SGPL1: variants seen among roughly 807,000 people sequenced by gnomAD.
SGPL1 encodes the protein sphingosine-1-phosphate lyase 1, also known as SP-lyase 1.
In SGPL1, 37 loss-of-function variants were observed where a neutral mutation model predicts 68.9. That is an observed-to-expected ratio of 0.54 (90% confidence interval 0.41 to 0.71). SGPL1 has a LOEUF of 0.71. SGPL1 is among the 30% of genes least tolerant of loss of function. The pLI, the probability that SGPL1 is intolerant of heterozygous loss-of-function variation, is 0.00. For missense variants in SGPL1, 551 were observed against 704.6 expected (o/e 0.78, Z 2.47); for synonymous variants, 236 against 248.5 (o/e 0.95, Z 0.47).
At position 70,871,809 on chromosome 10, in the gene SGPL1, T is replaced by G. The variant is rs2131943498; in HGVS notation, c.910-28T>G. ...TATTATAGGGCTATAAAGGAAATTCTCTTATGTTCTTTGTTTTTTGGAACA... is the reference window on the plus strand; with the variant it reads ...TATTATAGGGCTATAAAGGAAATTCGCTTATGTTCTTTGTTTTTTGGAACA... On this transcript the variant is annotated intron_variant, in intron 10 of 14. Coordinates refer to ENST00000373202, the MANE Select transcript of SGPL1 (RefSeq NM_003901.4). The G allele has an allele frequency of 1.9e-6, 3 of 1,608,418 alleles. No individual in the cohort carries two copies. In the East Asian group the frequency reaches 6.7e-5, roughly 36 times the overall value.
chr10:70,877,463 C>T lies in SGPL1; in HGVS notation c.*128C>T, dbSNP rs560177505. 5.2e-6 allele frequency: 4 copies of T among 773,076 alleles called. No individual in the cohort carries two copies. Among genetic ancestry groups the T allele is most frequent in the Non-Finnish European group, 8.2e-6 (4 of 490,264 alleles). 47.9% of individuals were successfully genotyped at this position (773,076 alleles called of 1,614,324 possible). A position where few individuals can be genotyped will look rare whatever the true frequency, so the allele number is the denominator to read the frequency against. On this transcript the variant is annotated 3_prime_UTR_variant, in exon 15 of 15. Coordinates refer to ENST00000373202, the MANE Select transcript of SGPL1 (RefSeq NM_003901.4). Reference sequence around the variant, plus strand: ...GCACAACTCAAGATAGACCATGAGACAGCTTGAGCCTCAGGATTCTTGTTC... The same window carrying T: ...GCACAACTCAAGATAGACCATGAGATAGCTTGAGCCTCAGGATTCTTGTTC...
Position 70,873,378 on chromosome 10 carries a change from T to C in SGPL1, c.1087T>C (p.Leu363=), listed in dbSNP as rs376610531. ...KYGYAPKGSS[L]VLYSDKKYRN... Reference sequence around the variant, plus strand: ...TGGCTATGCCCCAAAAGGCTCATCATTGGTGTTGTATAGTGACAAGAAGTA... The same window carrying C: ...TGGCTATGCCCCAAAAGGCTCATCACTGGTGTTGTATAGTGACAAGAAGTA... Residue 363 remains leucine (L), a synonymous_variant, in exon 12 of 15, where the codon TTG becomes CTG. Transcript: ENST00000373202. 191 of 1,614,004 alleles carry C rather than the reference T, an allele frequency of 1.2e-4. No individual in the cohort carries two copies. The highest frequency in any genetic ancestry group is 4.9e-4 in the Middle Eastern group (3 of 6,062).
intron 7 of SGPL1, among the ~76,000 whole-genome samples, chr10:70,867,148 A>T (rs1314248323): frequency 2.0e-5 from 3 of 152,146 alleles, no homozygotes; most frequent in African/African-American, 7.2e-5. Context: ...CTAGTTTAGT[A>T]TTGTGGCTTT....
chr10:70,822,076 GCTTT>G (rs1845348743), intron 2 of SGPL1, among the ~76,000 whole-genome samples: 1 of 152,286 alleles, frequency 6.6e-6, no homozygotes, highest in Non-Finnish European at 1.5e-5. Flanking sequence ...TTTCAGGGAT[GCTTT>G]CTTTCTGAAT....
At chr10:70,823,644 C>T (rs1845381943) in intron 2 of SGPL1, among the ~76,000 whole-genome samples, 1 of 143,192 alleles carries the variant, frequency 7.0e-6, no homozygotes, top group Non-Finnish European at 1.5e-5. Context: ...AACCAATAAC[C>T]ATAACTCAAA....
intron 2 of SGPL1, among the ~76,000 whole-genome samples, chr10:70,823,825 A>G (rs2131849845): frequency 6.6e-6 from 1 of 152,226 alleles, no homozygotes; most frequent in African/African-American, 2.4e-5. Flanking sequence ...CAATTCCAGT[A>G]GCCTGAATAG....
At chr10:70,875,295 T>C (rs1846365815) in intron 12 of SGPL1, 107 bp from the exon 13 acceptor site, 14 of 709,958 alleles carry the variant, frequency 2.0e-5, no homozygotes, top group East Asian at 1.8e-4. Context: ...AAGGGTTAGA[T>C]TGCATTCATT....
chr10:70,816,100 A>ACTGG lies in SGPL1; in HGVS notation c.-69_-66dup, dbSNP rs1845221317. 6.6e-6 allele frequency: 1 copy of ACTGG among 151,350 alleles called. No homozygotes were observed. The highest frequency in any genetic ancestry group is 2.0e-4 in the South Asian group (1 of 5,012). 9.4% of individuals were successfully genotyped at this position (151,350 alleles called of 1,614,324 possible). On this transcript the variant is annotated 5_prime_UTR_variant, in exon 1 of 15. Transcript: ENST00000373202. ...CCGGCCGGGTGCTCGAGGGAAGGAG[A>ACTGG]CTGGAAGCTGGTTCCGGCGTGAGGA...
chr10:70,854,826 T>C lies in SGPL1; in HGVS notation c.380T>C (p.Leu127Ser). The C allele has an allele frequency of 1.2e-6, 2 of 1,613,072 alleles. No homozygotes were observed. Among genetic ancestry groups the C allele is most frequent in the Non-Finnish European group, 1.7e-6 (2 of 1,179,618 alleles). Residue 127 changes from leucine (L) to serine (S), a missense_variant, in exon 5 of 15, where the codon TTG (leucine) becomes TCG (serine). Transcript: ENST00000373202. ...CAGGGTCTGAGCTCATCTGCTGTTT[T>C]GGAGAAACTTAAGGAGTACAGCTCT... ...PSQGLSSSAVLEKLKEYSSMD... is the reference protein window; with the variant it reads ...PSQGLSSSAVSEKLKEYSSMD...
intron 1 of SGPL1, 59 bp from the exon 2 acceptor site, chr10:70,816,752 G>C: frequency 8.4e-7 from 1 of 1,194,394 alleles, no homozygotes; most frequent in Non-Finnish European, 1.3e-6. Flanking sequence ...GCGAATCTAG[G>C]CGGGCTGGCG....
At chr10:70,864,004 G>A (rs1032679998) in intron 7 of SGPL1, among the ~76,000 whole-genome samples, 1 of 152,098 alleles carries the variant, frequency 6.6e-6, no homozygotes, top group Non-Finnish European at 1.5e-5. Flanking sequence ...TATCTTGCAG[G>A]ATTCTTGATT....
intron 7 of SGPL1, among the ~76,000 whole-genome samples, chr10:70,863,324 T>G (rs770670198): frequency 3.3e-5 from 5 of 150,982 alleles, no homozygotes; most frequent in Admixed American, 1.3e-4. Context: ...TCTGCTTGGT[T>G]GTTTTTTATA....
intron 1 of SGPL1, 52 bp from the exon 2 acceptor site, chr10:70,816,759 G>C (rs1845239304): frequency 8.6e-6 from 11 of 1,276,212 alleles, no homozygotes; most frequent in Non-Finnish European, 1.3e-5. Flanking sequence ...TAGGCGGGCT[G>C]GCGAGACAGT....
chr10:70,822,435 T>A lies in SGPL1; in HGVS notation c.27+5555T>A, dbSNP rs115343044. 4.1e-3 allele frequency among the ~76,000 whole-genome samples: 624 copies of A among 152,370 alleles called. 2 individuals carry two copies. The highest frequency in any genetic ancestry group is 0.014 in the African/African-American group (599 of 41,582). On this transcript the variant is annotated intron_variant, in intron 2 of 14. Coordinates refer to ENST00000373202, the MANE Select transcript of SGPL1 (RefSeq NM_003901.4). ...TTTTTAGTAATATTTACCTTCTTAATTAGGTTTTACCCAATCTAATATTAT... is the reference window on the plus strand; with the variant it reads ...TTTTTAGTAATATTTACCTTCTTAAATAGGTTTTACCCAATCTAATATTAT...
chr10:70,868,354 G>A lies in SGPL1; in HGVS notation c.625G>A (p.Gly209Arg). The A allele has an allele frequency of 6.2e-7, 1 of 1,611,036 alleles. No individual in the cohort carries two copies. The highest frequency in any genetic ancestry group is 8.5e-7 in the Non-Finnish European group (1 of 1,178,424). ...GPDSCGCVTSGGTESILMACK... is the reference protein window; with the variant it reads ...GPDSCGCVTSRGTESILMACK... The stretch of plus-strand genomic sequence containing the variant: ...CTCTTCTTTATTATAGGTGACTTCT[G>A]GGGGAACAGAAAGCATACTGATGGC... Residue 209 changes from glycine (G) to arginine (R), a missense_variant, in exon 8 of 15, where the codon GGG becomes AGG. By Grantham distance (125) the Gly-to-Arg change is moderately radical. Coordinates refer to ENST00000373202, the MANE Select transcript of SGPL1 (RefSeq NM_003901.4).
chr10:70,853,396 C>A (rs879801526), intron 4 of SGPL1, among the ~76,000 whole-genome samples: 5 of 152,196 alleles, frequency 3.3e-5, no homozygotes, highest in Non-Finnish European at 7.3e-5. Context: ...GAAACAATAG[C>A]ACTGTGACAA....
chr10:70,874,084 A>C (rs1192352665), intron 12 of SGPL1, among the ~76,000 whole-genome samples: 1 of 152,222 alleles, frequency 6.6e-6, no homozygotes, highest in East Asian at 1.9e-4. Context: ...GGAATAAGAA[A>C]ATAATTGGAA....
At chr10:70,835,735 C>CAAAAAAAAAAAA (rs66962270) in intron 2 of SGPL1, among the ~76,000 whole-genome samples, 58 of 70,130 alleles carry the variant, frequency 8.3e-4, no homozygotes, top group Non-Finnish European at 1.2e-3. Context: ...GACTCCGTCT[C>CAAAAAAAAAAAA]AAAAAAAAAA....
intron 12 of SGPL1, 122 bp downstream of exon 12, chr10:70,873,711 GGCTTAGGGCAGCA>G (rs1846337099): frequency 1.3e-6 from 1 of 755,716 alleles, no homozygotes; most frequent in East Asian, 2.5e-5. Context: ...CGATATAGAG[GGCTTAGGGCAGCA>G]GCTTAGGGCT....
Sources: gnomAD v4.1 joint callset for allele counts (sites outside exome capture counted in the v4.1 genomes callset) on GRCh38, gnomAD v4.1.1 for gene constraint, MANE v1.5 for transcripts, NCBI Gene and HGNC (gene_info 2026-07-23, HGNC 2026-07-21) for gene names.